Variants in ADK observed in about 807,000 individuals in gnomAD.
ADK encodes the protein N6,N6-dimethyladenosine kinase.
ADK carries 24 observed loss-of-function variants against 44.7 expected under a neutral mutation model. The observed-to-expected ratio is 0.54, with a 90% CI of 0.39 to 0.76. The LOEUF (loss-of-function observed/expected upper bound fraction) is 0.76. ADK is among the 30% of genes least tolerant of loss of function. ADK has a pLI of 0.00. For missense variants in ADK, 321 were observed against 425.1 expected (o/e 0.76, Z 2.15); for synonymous variants, 128 against 142.6 (o/e 0.90, Z 0.73).
intron 1 of ADK, among the ~76,000 whole-genome samples, chr10:74,175,593 GGTCA>G (rs1027914849): frequency 5.3e-5 from 8 of 152,166 alleles, no homozygotes; most frequent in African/African-American, 1.9e-4. Context: ...CATCCTAGAT[GGTCA>G]GTAAGTTAAT....
chr10:74,302,090 GTTTTTTTTTTGTTTGTTTGTTTT>G (rs1840057314), intron 3 of ADK, among the ~76,000 whole-genome samples: 1 of 17,032 alleles, frequency 5.9e-5, no homozygotes, highest in African/African-American at 2.6e-4. Context: ...TTTCTTTTCT[GTTTTTTTTTTGTTTGTTTGTTTT>G]TTTTTTTTTT....
At chr10:74,497,288 T>C (rs2133428998) in intron 6 of ADK, among the ~76,000 whole-genome samples, 1 of 152,376 alleles carries the variant, frequency 6.6e-6, no homozygotes, top group South Asian at 2.1e-4. Context: ...CTTATAGTTG[T>C]TTTGAAGTTT....
intron 10 of ADK, among the ~76,000 whole-genome samples, chr10:74,681,744 A>T (rs931898177): frequency 6.6e-6 from 1 of 151,610 alleles, no homozygotes; most frequent in African/African-American, 2.4e-5. Flanking sequence ...CAGCTACTTG[A>T]GAGGCTGAGG....
At chr10:74,257,127 T>A (rs1845853054) in intron 3 of ADK, among the ~76,000 whole-genome samples, 1 of 152,212 alleles carries the variant, frequency 6.6e-6, no homozygotes, top group Non-Finnish European at 1.5e-5. Flanking sequence ...GTTACTGAAC[T>A]TTATATTTTA....
intron 1 of ADK, among the ~76,000 whole-genome samples, chr10:74,162,976 C>CT (rs546270171): frequency 5.4e-5 from 8 of 148,198 alleles, no homozygotes; most frequent in Non-Finnish European, 6.0e-5. Context: ...CATTTTCTTT[C>CT]TTTTTTTTTT....
intron 7 of ADK, among the ~76,000 whole-genome samples, chr10:74,528,683 A>G (rs988422590): frequency 2.0e-5 from 3 of 152,156 alleles, no homozygotes; most frequent in African/African-American, 4.8e-5. Context: ...TAAGCAAACT[A>G]ACAACATAAT....
intron 6 of ADK, among the ~76,000 whole-genome samples, chr10:74,464,390 T>A (rs558538580): frequency 3.1e-4 from 45 of 146,884 alleles, no homozygotes; most frequent in Admixed American, 1.2e-3. Flanking sequence ...TCTATTAATT[T>A]AAAAAAAAAA....
intron 8 of ADK, among the ~76,000 whole-genome samples, chr10:74,591,366 GA>G (rs991328481): frequency 6.6e-6 from 1 of 152,124 alleles, no homozygotes; most frequent in African/African-American, 2.4e-5. Context: ...CAGTGATATT[GA>G]CAGTGATATG....
At chr10:74,208,719 ATTTTTTAT>A (rs1266128005) in intron 2 of ADK, among the ~76,000 whole-genome samples, 138 of 151,596 alleles carry the variant, frequency 9.1e-4, no homozygotes, top group East Asian at 5.6e-3. Flanking sequence ...GTATATATAT[ATTTTTTAT>A]TTTTTTATTT....
intron 9 of ADK, among the ~76,000 whole-genome samples, chr10:74,665,761 GAGAGAGAGAGAGAGAGAGAGAC>G (rs1469352660): frequency 1.3e-3 from 199 of 151,242 alleles, no homozygotes; most frequent in African/African-American, 4.7e-3. Context: ...GAGAGAGAGA[GAGAGAGAGAGAGAGAGAGAGAC>G]AGACAGACAG....
intron 10 of ADK, among the ~76,000 whole-genome samples, chr10:74,688,817 G>A (rs942712787): frequency 6.6e-6 from 1 of 152,194 alleles, no homozygotes; most frequent in Non-Finnish European, 1.5e-5. Context: ...TCAGGATGGT[G>A]AGATAGGAGG....
intron 1 of ADK, among the ~76,000 whole-genome samples, chr10:74,170,284 AATC>A (rs1393609116): frequency 2.4e-4 from 37 of 152,200 alleles, no homozygotes; most frequent in African/African-American, 8.9e-4. Flanking sequence ...TAATCAAAAA[AATC>A]ATGAGGACAC....
In ADK at chr10:74,356,505, A is replaced by G. The variant is rs574769075; in HGVS notation, c.274-37636A>G. On this transcript the variant is annotated intron_variant, in intron 4 of 10. Coordinates refer to ENST00000539909, the MANE Select transcript of ADK (RefSeq NM_006721.4). ...TTTTCATTCTGTTTGTACAGTAGAT[A>G]TTATTGGATTATTTTATAAAATACC... Among the ~76,000 whole-genome samples the G allele has an allele frequency of 1.5e-4, 23 of 152,298 alleles. No homozygotes were observed. In the South Asian group the frequency reaches 4.8e-3, roughly 32 times the overall value.
At chr10:74,662,968 C>T (rs2134174044) in intron 9 of ADK, among the ~76,000 whole-genome samples, 1 of 152,216 alleles carries the variant, frequency 6.6e-6, no homozygotes, top group Admixed American at 6.5e-5. Context: ...GTAGCGCATG[C>T]CTGTAATCCC....
At chr10:74,195,801 C>G (rs1369871595) in intron 1 of ADK, among the ~76,000 whole-genome samples, 1 of 148,866 alleles carries the variant, frequency 6.7e-6, no homozygotes, top group African/African-American at 2.5e-5. Context: ...CTCAGCTTCC[C>G]TAGTAACTGG....
intron 3 of ADK, among the ~76,000 whole-genome samples, chr10:74,254,323 T>A (rs1212697606): frequency 1.3e-5 from 2 of 152,162 alleles, no homozygotes; most frequent in Admixed American, 1.3e-4. Flanking sequence ...TCATTCCAGA[T>A]ATTTACTTCA....
At chr10:74,330,696 T>C (rs770634059) in intron 4 of ADK, among the ~76,000 whole-genome samples, 14 of 152,198 alleles carry the variant, frequency 9.2e-5, no homozygotes, top group Non-Finnish European at 2.1e-4. Context: ...GACACCCACA[T>C]GGGCAGGAAC....
chr10:74,369,427 A>T (rs1842591546), intron 4 of ADK, among the ~76,000 whole-genome samples: 1 of 152,202 alleles, frequency 6.6e-6, no homozygotes, highest in Non-Finnish European at 1.5e-5. Context: ...CATGAAGTCT[A>T]AGTATTTTTT....
At chr10:74,195,703 C>CT (rs1162827373) in intron 1 of ADK, among the ~76,000 whole-genome samples, 21 of 105,966 alleles carry the variant, frequency 2.0e-4, no homozygotes, top group African/African-American at 2.8e-4. Context: ...TTTTTCTTTT[C>CT]TTTCTTTTTT....
Sources: allele counts gnomAD v4.1 joint callset (sites outside exome capture counted in the v4.1 genomes callset), GRCh38; gene constraint gnomAD v4.1.1; transcripts MANE v1.5; gene names NCBI Gene and HGNC (gene_info 2026-07-23, HGNC 2026-07-21).